The following PPP6C variants were observed in gnomAD, a reference collection of about 807,000 sequenced individuals.
PPP6C encodes protein phosphatase 6 catalytic subunit, also known as serine/threonine-protein phosphatase 6 catalytic subunit.
PPP6C carries 11 observed loss-of-function variants against 39.8 expected under a neutral mutation model. That is an observed-to-expected ratio of 0.28 (90% CI 0.17 to 0.46). The LOEUF (loss-of-function observed/expected upper bound fraction) is 0.46. Ranked by LOEUF, PPP6C falls within the 20% of genes least tolerant of loss-of-function variation. The pLI is 1.00. For missense variants in PPP6C, 211 were observed against 373.9 expected (o/e 0.56, Z 3.59); for synonymous variants, 129 against 130.3 (o/e 0.99, Z 0.07).
rs188154851 is a variant in PPP6C, at chr9:125,178,172, A to G, written c.76-6992T>C. The stretch of plus-strand genomic sequence containing the variant: ...CAACTCATTTGGGTAAATATCAAGG[A>G]GCAGGACTGCTGGATTATATGAAGA... On this transcript the variant is annotated intron_variant, in intron 1 of 6. Coordinates refer to ENST00000373547, the MANE Select transcript of PPP6C (RefSeq NM_002721.5). Among the ~76,000 whole-genome samples, 577 of 152,328 alleles carry G rather than the reference A, an allele frequency of 3.8e-3. 5 individuals are homozygous for G. Among genetic ancestry groups the G allele is most frequent in the Middle Eastern group, 0.01 (3 of 294 alleles).
intron 1 of PPP6C, among the ~76,000 whole-genome samples, chr9:125,177,337 G>A (rs1323275088): frequency 6.6e-6 from 1 of 151,874 alleles, no homozygotes; most frequent in African/African-American, 2.4e-5. Context: ...TGGCGCCACT[G>A]CACTCCAGCC....
intron 2 of PPP6C, among the ~76,000 whole-genome samples, chr9:125,164,216 C>CTTTTTT (rs1307179998): frequency 8.4e-6 from 1 of 119,708 alleles, no homozygotes. Flanking sequence ...CTCCCTCACT[C>CTTTTTT]TCTTTTTTTT....
intron 1 of PPP6C, among the ~76,000 whole-genome samples, chr9:125,188,492 A>G (rs1829580365): frequency 6.6e-6 from 1 of 152,038 alleles, no homozygotes; most frequent in Admixed American, 6.6e-5. Flanking sequence ...TTTTCAAAGA[A>G]GCAGTATACC....
intron 2 of PPP6C, among the ~76,000 whole-genome samples, chr9:125,161,803 C>T (rs1014220176): frequency 2.6e-5 from 4 of 152,170 alleles, no homozygotes; most frequent in Non-Finnish European, 5.9e-5. Flanking sequence ...AAATTTCAGT[C>T]CACTAGATTA....
chr9:125,184,392 T>A (rs359577), intron 1 of PPP6C, among the ~76,000 whole-genome samples: 68,819 of 150,540 alleles, frequency 0.46, 16,008 homozygotes, highest in East Asian at 0.62. Context: ...ATCTCAAAAA[T>A]AAAAATAATA....
At position 125,171,186 on chromosome 9, in the gene PPP6C, A is replaced by G; in HGVS notation, c.76-6T>C. 1 of 1,542,018 alleles carries G rather than the reference A, an allele frequency of 6.5e-7. No homozygotes were observed. Among genetic ancestry groups the G allele is most frequent in the Non-Finnish European group, 8.8e-7 (1 of 1,134,262 alleles). On this transcript the variant is annotated splice_polypyrimidine_tract_variant and splice_region_variant and intron_variant, in intron 1 of 6. Coordinates refer to ENST00000373547, the MANE Select transcript of PPP6C (RefSeq NM_002721.5). ...CAAACGTAGTCACATAGCCGCTATA[A>G]AAAGAGAAAATAAAAGGTAAACATT...
intron 6 of PPP6C, among the ~76,000 whole-genome samples, chr9:125,151,958 A>C (rs980338122): frequency 6.6e-6 from 1 of 152,210 alleles, no homozygotes; most frequent in Non-Finnish European, 1.5e-5. Context: ...TGTTGAGAAC[A>C]ACCAGCAGCA....
intron 2 of PPP6C, 69 bp downstream of exon 2, chr9:125,171,016 C>T (rs1371955455): frequency 4.9e-6 from 5 of 1,020,916 alleles, no homozygotes; most frequent in Admixed American, 6.0e-5. Flanking sequence ...TTTAATTTTG[C>T]AGCACATGTG....
At chr9:125,155,904 C>CAAA (rs1231626756) in intron 4 of PPP6C, among the ~76,000 whole-genome samples, 2 of 61,416 alleles carry the variant, frequency 3.3e-5, no homozygotes, top group East Asian at 4.7e-4. Flanking sequence ...GACTCCGTCT[C>CAAA]AAAAAAAAAA....
intron 2 of PPP6C, among the ~76,000 whole-genome samples, chr9:125,164,027 G>A (rs937690308): frequency 2.0e-5 from 3 of 150,842 alleles, no homozygotes; most frequent in African/African-American, 7.3e-5. Flanking sequence ...TATTAAAGAC[G>A]GGGTTTCACC....
chr9:125,172,751 AAACAC>A (rs1564154785), intron 1 of PPP6C, among the ~76,000 whole-genome samples: 22 of 136,682 alleles, frequency 1.6e-4, no homozygotes, highest in East Asian at 9.9e-4. Context: ...ACACACACAC[AAACAC>A]ACACACACAC....
intron 1 of PPP6C, among the ~76,000 whole-genome samples, chr9:125,177,398 A>T (rs1829325081): frequency 6.6e-6 from 1 of 151,762 alleles, no homozygotes; most frequent in South Asian, 2.1e-4. Flanking sequence ...AAAAAATCTT[A>T]AAGTACAGAG....
At chr9:125,181,252 T>C (rs939473128) in intron 1 of PPP6C, among the ~76,000 whole-genome samples, 1 of 152,228 alleles carries the variant, frequency 6.6e-6, no homozygotes, top group African/African-American at 2.4e-5. Flanking sequence ...TACAGCTTTA[T>C]CCCAAATTTA....
Position 125,171,189 on chromosome 9 carries a change from A to G in PPP6C, c.76-9T>C, listed in dbSNP as rs1238923342. The G allele has an allele frequency of 1.3e-6, 2 of 1,537,330 alleles. No homozygotes were observed. Among genetic ancestry groups the G allele is most frequent in the South Asian group, 1.2e-5 (1 of 83,632 alleles). On this transcript the variant is annotated splice_polypyrimidine_tract_variant and intron_variant, in intron 1 of 6. Coordinates refer to ENST00000373547, the MANE Select transcript of PPP6C (RefSeq NM_002721.5). ...ACGTAGTCACATAGCCGCTATAAAA[A>G]GAGAAAATAAAAGGTAAACATTTAC...
At position 125,149,666 on chromosome 9, in the gene PPP6C, G is replaced by A. The variant is rs533127204; in HGVS notation, c.*7C>T. 10 of 1,612,554 alleles carry A rather than the reference G, an allele frequency of 6.2e-6. No homozygotes were observed. Among genetic ancestry groups the A allele is most frequent in the Admixed American group, 1.7e-5 (1 of 59,968 alleles). On this transcript the variant is annotated 3_prime_UTR_variant, in exon 7 of 7. Coordinates refer to ENST00000373547, the MANE Select transcript of PPP6C (RefSeq NM_002721.5). ...AGAAAAATGGGTCAGCAGGATGGGC[G>A]AAGGCCTCAAAGGAAATATGGCGTT...
intron 1 of PPP6C, among the ~76,000 whole-genome samples, chr9:125,174,512 C>T (rs1379553386): frequency 1.3e-5 from 2 of 150,982 alleles, no homozygotes; most frequent in African/African-American, 4.8e-5. Flanking sequence ...CCTTGAGTCC[C>T]TGGGTAGCTA....
chr9:125,156,872 G>A (rs1024682267), intron 4 of PPP6C, among the ~76,000 whole-genome samples: 4 of 151,786 alleles, frequency 2.6e-5, no homozygotes, highest in Admixed American at 6.6e-5. Context: ...GAGTGGAATG[G>A]AGCGATCTTG....
intron 1 of PPP6C, among the ~76,000 whole-genome samples, chr9:125,186,422 G>A (rs901243135): frequency 1.3e-5 from 2 of 151,948 alleles, no homozygotes; most frequent in African/African-American, 4.8e-5. Context: ...TGTCTTGGTT[G>A]CCCAAAACAT....
chr9:125,171,466 CACACACACACACATATAT>C lies in PPP6C; in HGVS notation c.76-304_76-287del, dbSNP rs1194849070. On this transcript the variant is annotated intron_variant, in intron 1 of 6. Coordinates refer to ENST00000373547, the MANE Select transcript of PPP6C (RefSeq NM_002721.5). ...CCAAACACACACACACATATACACA[CACACACACACACATATAT>C]ATATATATATATATATATATATATA... Among the ~76,000 whole-genome samples, 151 of 85,526 alleles carry C rather than the reference CACACACACACACATATAT, an allele frequency of 1.8e-3. 2 individuals carry two copies. Among genetic ancestry groups the C allele is most frequent in the African/African-American group, 5.4e-3 (144 of 26,676 alleles). The allele number at this position is 85,526 out of a possible 152,430, so 56.1% of individuals were successfully genotyped here. A position where few individuals can be genotyped will look rare whatever the true frequency, so the allele number is the denominator to read the frequency against.
Sources: allele counts gnomAD v4.1 joint callset (sites outside exome capture counted in the v4.1 genomes callset), GRCh38; gene constraint gnomAD v4.1.1; transcripts MANE v1.5; gene names NCBI Gene and HGNC (gene_info 2026-07-23, HGNC 2026-07-21).